Variants in SCAPER observed in about 807,000 individuals in gnomAD.
SCAPER encodes S phase cyclin A-associated protein in the endoplasmic reticulum.
Under a neutral mutation model 182.2 loss-of-function variants are expected in SCAPER, and 98 were observed. That is an observed-to-expected ratio of 0.54 (90% CI 0.46 to 0.64). The LOEUF (loss-of-function observed/expected upper bound fraction) is 0.64. Ranked by LOEUF, SCAPER falls within the 30% of genes least tolerant of loss-of-function variation. The pLI, the probability that SCAPER is intolerant of heterozygous loss-of-function variation, is 0.00. For synonymous variants in SCAPER, 605 were observed against 564.6 expected, an observed-to-expected ratio of 1.07 and a Z score of -1.01; for missense variants, 1,432 against 1,690.0, an observed-to-expected ratio of 0.85 and a Z score of 2.68.
intron 15 of SCAPER, among the ~76,000 whole-genome samples, chr15:76,745,291 A>AC (rs2061735117): frequency 6.6e-6 from 1 of 152,082 alleles, no homozygotes; most frequent in Non-Finnish European, 1.5e-5. Context: ...AAATAAAAAA[A>AC]TAAAAAAATT....
At chr15:76,508,700 A>G (rs1334603982) in intron 23 of SCAPER, among the ~76,000 whole-genome samples, 1 of 152,118 alleles carries the variant, frequency 6.6e-6, no homozygotes, top group Non-Finnish European at 1.5e-5. Context: ...TTAAAAATTT[A>G]ATTCAGGTAT....
At chr15:76,426,300 C>T (rs2046422820) in intron 26 of SCAPER, among the ~76,000 whole-genome samples, 1 of 152,210 alleles carries the variant, frequency 6.6e-6, no homozygotes, top group Non-Finnish European at 1.5e-5. Context: ...ACTCAAGCCT[C>T]AGCAATGGCG....
rs1022719016 is a variant in SCAPER, at chr15:76,870,944, C to T, written c.7-8411G>A. The stretch of plus-strand genomic sequence containing the variant: ...ACATATTAGGGTTAAAAAGTACCGA[C>T]AACAACAACAACAAAAAACCTTAGA... On this transcript the variant is annotated intron_variant, in intron 2 of 31. Transcript: ENST00000563290. 2.0e-5 allele frequency among the ~76,000 whole-genome samples: 3 copies of T among 151,842 alleles called. No individual in the cohort carries two copies. The East Asian group carries it at 5.8e-4, about 29-fold the overall frequency.
At chr15:76,668,788 A>G (rs745467466) in intron 20 of SCAPER, among the ~76,000 whole-genome samples, 5 of 152,224 alleles carry the variant, frequency 3.3e-5, no homozygotes, top group Admixed American at 1.3e-4. Context: ...TGCCTGGCAT[A>G]TGGCAAGCAC....
chr15:76,505,891 T>A (rs563685728), intron 23 of SCAPER, among the ~76,000 whole-genome samples: 2 of 152,294 alleles, frequency 1.3e-5, no homozygotes, highest in African/African-American at 4.8e-5. Context: ...AGTACATATA[T>A]GGAATGGAGT....
intron 1 of SCAPER, among the ~76,000 whole-genome samples, chr15:76,903,574 T>C (rs2074916986): frequency 6.6e-6 from 1 of 152,158 alleles, no homozygotes; most frequent in African/African-American, 2.4e-5. Flanking sequence ...AAGCAGGCTA[T>C]CACCAAACAC....
Position 76,596,447 on chromosome 15 carries a change from C to T in SCAPER, c.2712-22163G>A, listed in dbSNP as rs894535422. Among the ~76,000 whole-genome samples the T allele has an allele frequency of 2.5e-5, 3 of 120,386 alleles. 1 individual carries two copies. The Admixed American group carries it at 2.8e-4, about 11-fold the overall frequency. The allele number at this position is 120,386 out of a possible 152,430, so 79.0% of individuals were successfully genotyped here. On this transcript the variant is annotated intron_variant, in intron 22 of 31. Coordinates refer to ENST00000563290, the MANE Select transcript of SCAPER (RefSeq NM_020843.4). ...TCAAACAATAGAAAAAGACGGACTCCTCCCTAACTCATTTTATGAGGCCAG... is the reference window on the plus strand; with the variant it reads ...TCAAACAATAGAAAAAGACGGACTCTTCCCTAACTCATTTTATGAGGCCAG...
intron 22 of SCAPER, among the ~76,000 whole-genome samples, chr15:76,587,508 T>C (rs948779616): frequency 5.3e-5 from 8 of 152,216 alleles, no homozygotes; most frequent in African/African-American, 1.9e-4. Flanking sequence ...TCAAAGAATA[T>C]TTAAATTTCC....
chr15:76,492,906 T>C (rs1291510251), intron 24 of SCAPER, among the ~76,000 whole-genome samples: 1 of 146,596 alleles, frequency 6.8e-6, no homozygotes, highest in Admixed American at 6.9e-5. Flanking sequence ...ATGGGATGGA[T>C]ATTTGGATCA....
chr15:76,603,515 A>G lies in SCAPER; in HGVS notation c.2711+18249T>C, dbSNP rs1225912820. On this transcript the variant is annotated intron_variant, in intron 22 of 31. Coordinates refer to ENST00000563290, the MANE Select transcript of SCAPER (RefSeq NM_020843.4). ...ATATGTGTGCATGTGTCTTTACAGCAGCATGATTTATAATCCTTTGGGTAT... is the reference window on the plus strand; with the variant it reads ...ATATGTGTGCATGTGTCTTTACAGCGGCATGATTTATAATCCTTTGGGTAT... Among the ~76,000 whole-genome samples, 2 of 122,178 alleles carry G rather than the reference A, an allele frequency of 1.6e-5. 1 individual carries two copies. Among genetic ancestry groups the G allele is most frequent in the Non-Finnish European group, 4.0e-5 (2 of 50,308 alleles). The allele number at this position is 122,178 out of a possible 152,430, so 80.2% of individuals were successfully genotyped here. A position where few individuals can be genotyped will look rare whatever the true frequency, so the allele number is the denominator to read the frequency against.
intron 20 of SCAPER, among the ~76,000 whole-genome samples, chr15:76,699,550 G>A (rs1259129817): frequency 3.3e-5 from 5 of 152,160 alleles, no homozygotes; most frequent in Admixed American, 2.0e-4. Context: ...TGCCCTTGAG[G>A]GTTTGACTGC....
At chr15:76,830,309 G>A (rs1468291698) in intron 5 of SCAPER, among the ~76,000 whole-genome samples, 1 of 152,126 alleles carries the variant, frequency 6.6e-6, no homozygotes, top group Non-Finnish European at 1.5e-5. Flanking sequence ...CTGATGCCCA[G>A]AGTAAAGAAA....
At chr15:76,888,731 G>C (rs1359989168) in intron 1 of SCAPER, among the ~76,000 whole-genome samples, 4 of 152,200 alleles carry the variant, frequency 2.6e-5, no homozygotes, top group Admixed American at 6.5e-5. Flanking sequence ...GGAGTGAATG[G>C]AACCAAGTTG....
At chr15:76,836,196 T>C (rs529496865) in intron 5 of SCAPER, among the ~76,000 whole-genome samples, 1 of 152,224 alleles carries the variant, frequency 6.6e-6, no homozygotes. Context: ...ACCAATGTCA[T>C]TTTTCACAGA....
intron 29 of SCAPER, among the ~76,000 whole-genome samples, chr15:76,357,118 G>C (rs1293307199): frequency 7.0e-6 from 1 of 142,868 alleles, no homozygotes; most frequent in African/African-American, 2.6e-5. Flanking sequence ...TTAAGGTGGT[G>C]AATTTAAAAA....
At chr15:76,377,410 G>A (rs1596349179) in intron 28 of SCAPER, among the ~76,000 whole-genome samples, 1 of 152,058 alleles carries the variant, frequency 6.6e-6, no homozygotes, top group Non-Finnish European at 1.5e-5. Context: ...AATTAGTCAC[G>A]TCCAGCATGC....
chr15:76,710,370 A>C (rs2059495955), intron 17 of SCAPER, among the ~76,000 whole-genome samples: 1 of 152,184 alleles, frequency 6.6e-6, no homozygotes, highest in Non-Finnish European at 1.5e-5. Flanking sequence ...GTTTATGATG[A>C]GTTTATAAGG....
At chr15:76,538,422 T>C (rs1235309262) in intron 23 of SCAPER, among the ~76,000 whole-genome samples, 1 of 151,130 alleles carries the variant, frequency 6.6e-6, no homozygotes, top group Non-Finnish European at 1.5e-5. Flanking sequence ...TGTAGGGACA[T>C]GGATGAAATT....
chr15:76,588,562 C>T (rs2048860156), intron 22 of SCAPER, among the ~76,000 whole-genome samples: 1 of 152,140 alleles, frequency 6.6e-6, no homozygotes, highest in African/African-American at 2.4e-5. Flanking sequence ...AATTCTGTAT[C>T]TTTTGAGTGG....
Sources: allele counts gnomAD v4.1 joint callset (sites outside exome capture counted in the v4.1 genomes callset), GRCh38; gene constraint gnomAD v4.1.1; transcripts MANE v1.5; gene names NCBI Gene and HGNC (gene_info 2026-07-23, HGNC 2026-07-21).